The following ANKS3 variants were observed in gnomAD, a reference collection of about 807,000 sequenced individuals.
The protein encoded by ANKS3 is ankyrin repeat and SAM domain-containing protein 3.
A neutral mutation model predicts 80.7 loss-of-function variants in ANKS3; 62 were observed. The observed-to-expected ratio is 0.77, with a 90% CI of 0.63 to 0.95. ANKS3 has a LOEUF of 0.95. Among genes scored for constraint, ANKS3 ranks in the 40% least tolerant of loss-of-function variants. The pLI is 0.00. For synonymous variants in ANKS3, 489 were observed against 355.3 expected (o/e 1.38, Z -4.23); for missense variants, 1,150 against 883.6 (o/e 1.30, Z -3.82).
chr16:4,697,047 T>C lies in ANKS3; in HGVS notation c.1952A>G (p.Lys651Arg). Residue 651 changes from lysine (K) to arginine (R), a missense_variant, in exon 17 of 18, where the codon AAG becomes AGG. Coordinates refer to ENST00000304283, the MANE Select transcript of ANKS3 (RefSeq NM_133450.4). ...CGCAGGCTAGGTCTCCCGCCACTTC[T>C]TCCCGTTCAGCACCTGCAGCTTCTC... is the stretch of plus-strand genomic sequence containing the variant. ...SLEKLQVLNG[K>R]KWRET 6.2e-7 allele frequency: 1 copy of C among 1,613,872 alleles called. No homozygotes were observed. The highest frequency in any genetic ancestry group is 8.5e-7 in the Non-Finnish European group (1 of 1,179,974).
At chr16:4,697,146 G>T (rs777378247) in intron 16 of ANKS3, 42 bp from the exon 17 acceptor site, 2 of 1,602,900 alleles carry the variant, frequency 1.2e-6, no homozygotes, top group Non-Finnish European at 1.7e-6. Flanking sequence ...CCAGGCTCAG[G>T]AGGGCTGGGT....
chr16:4,727,424 G>A (rs1479890889), intron 3 of ANKS3: 7 of 566,352 alleles, frequency 1.2e-5, no homozygotes, highest in Admixed American at 3.1e-5. Flanking sequence ...CCCAAGGCCA[G>A]CTATGCTCTT....
chr16:4,725,216 G>A, intron 5 of ANKS3: 1 of 167,646 alleles, frequency 6.0e-6, no homozygotes, highest in Non-Finnish European at 1.3e-5. Context: ...CGTCCTCCAT[G>A]AACCCACTCT....
At chr16:4,704,171 G>A (rs1490520308) in intron 8 of ANKS3, among the ~76,000 whole-genome samples, 2 of 152,184 alleles carry the variant, frequency 1.3e-5, no homozygotes, top group African/African-American at 2.4e-5. Flanking sequence ...CCAGGATGAT[G>A]GGAGAAGGTG....
chr16:4,697,928 T>TC, intron 15 of ANKS3, 49 bp downstream of exon 15: 15 of 1,445,972 alleles, frequency 1.0e-5, no homozygotes, highest in Non-Finnish European at 1.4e-5. Context: ...GCTTCAGGGC[T>TC]CCCCCACCTT....
chr16:4,719,746 C>A (rs1414873668), intron 6 of ANKS3, among the ~76,000 whole-genome samples: 2 of 151,892 alleles, frequency 1.3e-5, no homozygotes, highest in African/African-American at 4.8e-5. Flanking sequence ...CTACAATGAC[C>A]CATGATCAGG....
At chr16:4,716,701 G>A (rs1036898447) in intron 6 of ANKS3, among the ~76,000 whole-genome samples, 2 of 151,474 alleles carry the variant, frequency 1.3e-5, no homozygotes, top group Admixed American at 6.6e-5. Flanking sequence ...GTGGATCATA[G>A]GTCATGAGTT....
chr16:4,724,552 T>C (rs865929520), intron 6 of ANKS3, among the ~76,000 whole-genome samples, 198 bp downstream of exon 6: 49 of 152,234 alleles, frequency 3.2e-4, no homozygotes, highest in Admixed American at 2.6e-4. Context: ...GGAATAGGTG[T>C]CTATTTCTAC....
At chr16:4,730,374 G>A (rs1178413095) in intron 2 of ANKS3, 5 of 384,550 alleles carry the variant, frequency 1.3e-5, no homozygotes, top group East Asian at 1.2e-4. Context: ...CAGTAAAGAG[G>A]AGCACATATG....
Position 4,698,954 on chromosome 16 carries a change from T to C in ANKS3, c.1410-13A>G. On this transcript the variant is annotated splice_polypyrimidine_tract_variant and intron_variant, in intron 12 of 17. Coordinates refer to ENST00000304283, the MANE Select transcript of ANKS3 (RefSeq NM_133450.4). ...GGGCCCAAACAGCCTGCGGGGGGAA[T>C]GTGACCAGGATATGCCTCAGCGTCC... The C allele has an allele frequency of 6.2e-7, 1 of 1,606,432 alleles. No homozygotes were observed. The highest frequency in any genetic ancestry group is 8.5e-7 in the Non-Finnish European group (1 of 1,174,738).
rs578033603 is a variant in ANKS3, at chr16:4,696,680, C to T, written c.*228G>A. 5.7e-3 allele frequency: 2,165 copies of T among 377,762 alleles called. 12 individuals are homozygous for T. Among genetic ancestry groups the T allele is most frequent in the Middle Eastern group, 0.023 (28 of 1,212 alleles). The allele number at this position is 377,762 out of a possible 1,614,324, so 23.4% of individuals were successfully genotyped here. ...AGCCCATGAACTCTGGGCCTCACCA[C>T]GAGGTTCTGGGTGAGGCCCTCGTCC... On this transcript the variant is annotated 3_prime_UTR_variant, in exon 18 of 18. Coordinates refer to ENST00000304283, the MANE Select transcript of ANKS3 (RefSeq NM_133450.4).
chr16:4,702,064 G>A (rs181477445), intron 9 of ANKS3, 38 bp downstream of exon 9: 10 of 1,541,142 alleles, frequency 6.5e-6, no homozygotes, highest in Non-Finnish European at 8.7e-6. Flanking sequence ...TCCAGGACCT[G>A]CCTGAGCCAC....
At chr16:4,724,631 G>C (rs2081264979) in intron 6 of ANKS3, 119 bp downstream of exon 6, 1 of 976,034 alleles carries the variant, frequency 1.0e-6, no homozygotes, top group African/African-American at 1.6e-5. Flanking sequence ...AAAATGTGTT[G>C]AATAAATGAA....
intron 3 of ANKS3, chr16:4,729,720 A>T (rs1259593423): frequency 6.8e-6 from 2 of 295,290 alleles, no homozygotes; most frequent in Non-Finnish European, 1.2e-5. Context: ...GCAATTAGTG[A>T]ATAAAATTAG....
intron 6 of ANKS3, among the ~76,000 whole-genome samples, chr16:4,718,354 G>A (rs932149753): frequency 1.3e-5 from 2 of 152,114 alleles, no homozygotes; most frequent in African/African-American, 2.4e-5. Flanking sequence ...AGAAACCCTG[G>A]AACAAGACTA....
chr16:4,701,208 C>T (rs919442296), intron 10 of ANKS3, 74 bp from the exon 11 acceptor site: 4 of 1,598,722 alleles, frequency 2.5e-6, no homozygotes, highest in African/African-American at 2.7e-5. Flanking sequence ...CCACCCGCCA[C>T]ACAGGGGCTT....
At chr16:4,701,377 G>T (rs1006604664) in intron 10 of ANKS3, 57 bp downstream of exon 10, 2 of 1,487,910 alleles carry the variant, frequency 1.3e-6, no homozygotes, top group African/African-American at 1.4e-5. Flanking sequence ...ACTGGGGGAT[G>T]TCAGGCATCC....
chr16:4,732,971 A>T (rs2081731385), intron 1 of ANKS3, among the ~76,000 whole-genome samples: 1 of 152,188 alleles, frequency 6.6e-6, no homozygotes, highest in Admixed American at 6.5e-5. Context: ...AGCCAGGCAC[A>T]GAAAGATAAA....
intron 3 of ANKS3, 112 bp downstream of exon 3, chr16:4,729,868 C>G (rs1184286250): frequency 5.5e-6 from 6 of 1,097,344 alleles, no homozygotes; most frequent in African/African-American, 1.6e-5. Context: ...GCAGGTTAAC[C>G]TATTCTACAC....
Sources: gnomAD v4.1 joint callset for allele counts (sites outside exome capture counted in the v4.1 genomes callset) on GRCh38, gnomAD v4.1.1 for gene constraint, MANE v1.5 for transcripts, NCBI Gene and HGNC (gene_info 2026-07-23, HGNC 2026-07-21) for gene names.